The following YIPF4 variants were observed in gnomAD, a reference collection of about 807,000 sequenced individuals.
The protein encoded by YIPF4 is Yip1 domain family member 4.
Under a neutral mutation model 29.4 loss-of-function variants are expected in YIPF4, and 18 were observed. The observed-to-expected ratio is 0.61, with a 90% confidence interval of 0.42 to 0.91. The LOEUF (loss-of-function observed/expected upper bound fraction) is 0.91. Among genes scored for constraint, YIPF4 ranks in the 40% least tolerant of loss-of-function variants. The pLI, the probability that YIPF4 is intolerant of heterozygous loss-of-function variation, is 0.00. For synonymous variants in YIPF4, 115 were observed against 104.7 expected, an observed-to-expected ratio of 1.10 and a Z score of -0.60; for missense variants, 279 against 282.7, an observed-to-expected ratio of 0.99 and a Z score of 0.09.
At chr2:32,293,772 A>G in intron 3 of YIPF4, among the ~76,000 whole-genome samples, 1 of 143,574 alleles carries the variant, frequency 7.0e-6, no homozygotes, top group Non-Finnish European at 1.5e-5. Context: ...GGGGCTCCTC[A>G]CTTCCCAGTA....
At chr2:32,278,308 C>A in intron 1 of YIPF4, 74 bp downstream of exon 1, 1 of 1,416,818 alleles carries the variant, frequency 7.1e-7, no homozygotes, top group Non-Finnish European at 9.5e-7. Flanking sequence ...TTTCTGGTGC[C>A]GAGGTGGTCG....
intron 3 of YIPF4, among the ~76,000 whole-genome samples, chr2:32,293,986 A>T (rs1381552342): frequency 1.9e-5 from 2 of 106,590 alleles, no homozygotes; most frequent in South Asian, 3.6e-4. Context: ...CTGGCTGGGC[A>T]GGGGGCTGAT....
At chr2:32,303,608 C>T (rs917602401) in intron 5 of YIPF4, among the ~76,000 whole-genome samples, 2 of 152,102 alleles carry the variant, frequency 1.3e-5, no homozygotes, top group Non-Finnish European at 2.9e-5. Context: ...ATCGCCTGAG[C>T]CCAAGAGGTT....
At chr2:32,290,455 A>C (rs766521804) in intron 1 of YIPF4, 28 bp from the exon 2 acceptor site, 24 of 1,426,386 alleles carry the variant, frequency 1.7e-5, no homozygotes, top group Non-Finnish European at 2.0e-5. Context: ...GCCTTAGTTT[A>C]TATAGTTTTA....
chr2:32,301,613 G>A (rs2031407972), intron 5 of YIPF4, 118 bp downstream of exon 5: 1 of 613,214 alleles, frequency 1.6e-6, no homozygotes, highest in Non-Finnish European at 2.7e-6. Context: ...GTAGTATTTT[G>A]GAAGTGACCT....
chr2:32,315,558 G>C lies in YIPF4; in HGVS notation c.*9932G>C, dbSNP rs2031808210. On this transcript the variant is annotated 3_prime_UTR_variant, in exon 6 of 6. Coordinates refer to ENST00000238831, the MANE Select transcript of YIPF4 (RefSeq NM_032312.4). ...AGGTCAGGAGATCGAGACCATCCTG[G>C]TTAACGTGGTGAAACCCCGTCTCTA... is the stretch of plus-strand genomic sequence containing the variant. 2.6e-5 allele frequency: 4 copies of C among 152,074 alleles called. No individual in the cohort carries two copies. The highest frequency in any genetic ancestry group is 1.3e-4 in the Admixed American group (2 of 15,242). The allele number at this position is 152,074 out of a possible 1,614,324, so 9.4% of individuals were successfully genotyped here. A position where few individuals can be genotyped will look rare whatever the true frequency, so the allele number is the denominator to read the frequency against.
chr2:32,301,544 A>T, intron 5 of YIPF4, 49 bp downstream of exon 5: 1 of 1,297,344 alleles, frequency 7.7e-7, no homozygotes, highest in Non-Finnish European at 1.1e-6. Flanking sequence ...CCAATGTCAA[A>T]AGTATACTAG....
At chr2:32,303,040 A>G (rs181128401) in intron 5 of YIPF4, among the ~76,000 whole-genome samples, 1 of 152,254 alleles carries the variant, frequency 6.6e-6, no homozygotes, top group Admixed American at 6.5e-5. Flanking sequence ...GGTAAACTTA[A>G]CTATATTTTA....
intron 1 of YIPF4, among the ~76,000 whole-genome samples, chr2:32,280,253 G>A (rs1436503039): frequency 6.6e-6 from 1 of 150,478 alleles, no homozygotes; most frequent in Admixed American, 6.6e-5. Context: ...TCAGCCTCCC[G>A]AGTAGCTGGA....
intron 1 of YIPF4, among the ~76,000 whole-genome samples, chr2:32,289,550 G>T (rs1166882920): frequency 1.3e-5 from 2 of 152,168 alleles, no homozygotes; most frequent in African/African-American, 4.8e-5. Context: ...GACTTGCACT[G>T]ACAGTATTGA....
chr2:32,303,528 T>C (rs1341890578), intron 5 of YIPF4, among the ~76,000 whole-genome samples: 1 of 151,918 alleles, frequency 6.6e-6, no homozygotes, highest in Non-Finnish European at 1.5e-5. Flanking sequence ...TCTCCAAAAA[T>C]ACAAAAATTA....
At chr2:32,289,706 T>G (rs2030830308) in intron 1 of YIPF4, among the ~76,000 whole-genome samples, 1 of 152,202 alleles carries the variant, frequency 6.6e-6, no homozygotes. Flanking sequence ...CTGTAACCCC[T>G]GAGATACTGT....
chr2:32,292,426 A>T (rs1319188592), intron 3 of YIPF4, 78 bp downstream of exon 3: 1 of 1,071,870 alleles, frequency 9.3e-7, no homozygotes, highest in Non-Finnish European at 1.3e-6. Flanking sequence ...TATTAACTGT[A>T]ATATACCATA....
At chr2:32,303,712 G>C (rs1438284636) in intron 5 of YIPF4, among the ~76,000 whole-genome samples, 2 of 152,176 alleles carry the variant, frequency 1.3e-5, no homozygotes, top group South Asian at 2.1e-4. Flanking sequence ...AATATTTTGA[G>C]ATCATCTTTG....
At chr2:32,298,182 T>C (rs897590737) in intron 3 of YIPF4, 52 bp from the exon 4 acceptor site, 2 of 1,388,640 alleles carry the variant, frequency 1.4e-6, no homozygotes, top group African/African-American at 1.4e-5. Context: ...TCCTGGAAAA[T>C]TATCATCTTA....
chr2:32,280,354 TCTC>T (rs2030343340), intron 1 of YIPF4, among the ~76,000 whole-genome samples: 2 of 149,536 alleles, frequency 1.3e-5, no homozygotes, highest in African/African-American at 4.9e-5. Flanking sequence ...ATGGTCTTGA[TCTC>T]CTGATCTTGT....
At chr2:32,301,337 A>G in intron 4 of YIPF4, 45 bp from the exon 5 acceptor site, 1 of 1,221,122 alleles carries the variant, frequency 8.2e-7, no homozygotes, top group Non-Finnish European at 1.2e-6. Context: ...TAAAATGAGT[A>G]TCTTGATTTC....
At chr2:32,285,497 G>A (rs1340366569) in intron 1 of YIPF4, among the ~76,000 whole-genome samples, 1 of 152,104 alleles carries the variant, frequency 6.6e-6, no homozygotes, top group East Asian at 1.9e-4. Flanking sequence ...TCAGTAAATT[G>A]TAGATAATTA....
intron 4 of YIPF4, among the ~76,000 whole-genome samples, chr2:32,298,799 T>G (rs1196828010): frequency 2.6e-5 from 4 of 152,078 alleles, no homozygotes; most frequent in Admixed American, 6.6e-5. Flanking sequence ...CCTCAAGCGA[T>G]CTGCCTGTTT....
Sources: gnomAD v4.1 joint callset for allele counts (sites outside exome capture counted in the v4.1 genomes callset) on GRCh38, gnomAD v4.1.1 for gene constraint, MANE v1.5 for transcripts, NCBI Gene and HGNC (gene_info 2026-07-23, HGNC 2026-07-21) for gene names.